Variants in ZNF43 observed in about 807,000 individuals in gnomAD.
ZNF43 encodes the protein zinc finger protein 39-like 1 (KOX 27).
In ZNF43, 44 loss-of-function variants were observed where a neutral mutation model predicts 68.4. That is an observed-to-expected ratio of 0.64 (90% CI 0.51 to 0.83). ZNF43 has a LOEUF of 0.83. ZNF43 is among the 40% of genes least tolerant of loss of function. The pLI, the probability that ZNF43 is intolerant of heterozygous loss-of-function variation, is 0.00. For synonymous variants in ZNF43, 308 were observed against 307.8 expected, an observed-to-expected ratio of 1.00 and a Z score of -0.01; for missense variants, 896 against 933.2, an observed-to-expected ratio of 0.96 and a Z score of 0.52.
chr19:21,843,969 C>G (rs1967722248), intron 1 of ZNF43, among the ~76,000 whole-genome samples: 1 of 152,062 alleles, frequency 6.6e-6, no homozygotes, highest in South Asian at 2.1e-4. Flanking sequence ...TTACTGTTGG[C>G]TGGTTGCGCA....
chr19:21,808,391 T>C lies in ZNF43; in HGVS notation c.1646A>G (p.His549Arg), dbSNP rs751224291. 5 of 1,611,216 alleles carry C rather than the reference T, an allele frequency of 3.1e-6. No individual in the cohort carries two copies. The South Asian group carries it at 5.5e-5, about 18-fold the overall frequency. Residue 549 changes from histidine to arginine, a missense_variant, in exon 4 of 4, where the codon CAT becomes CGT. Coordinates refer to ENST00000354959, the MANE Select transcript of ZNF43 (RefSeq NM_003423.4). ...KCEECGKAFN[H>R]FSILTKHKRI... ...CTTATGTTTGGTAAGGATTGAGAAATGGTTAAAAGCTTTGCCACATTCTTC... is the reference window on the plus strand; with the variant it reads ...CTTATGTTTGGTAAGGATTGAGAAACGGTTAAAAGCTTTGCCACATTCTTC...
At position 21,844,155 on chromosome 19, in the gene ZNF43, G is replaced by A. The variant is rs552405807; in HGVS notation, c.30+7750C>T. Among the ~76,000 whole-genome samples the A allele has an allele frequency of 4.6e-5, 7 of 151,972 alleles. No individual in the cohort carries two copies. The South Asian group carries it at 1.0e-3, about 23-fold the overall frequency. ...CAGACTGGGGCAGGTGGATCATGAGGTCAGTAGTTCAAGACCAGCCTGACC... is the reference window on the plus strand; with the variant it reads ...CAGACTGGGGCAGGTGGATCATGAGATCAGTAGTTCAAGACCAGCCTGACC... On this transcript the variant is annotated intron_variant, in intron 1 of 3. Transcript: ENST00000357491.
chr19:21,846,143 G>A (rs1967937065), intron 1 of ZNF43, among the ~76,000 whole-genome samples: 1 of 152,172 alleles, frequency 6.6e-6, no homozygotes, highest in Non-Finnish European at 1.5e-5. Flanking sequence ...CAGAGCTCAG[G>A]AAGAAGACAA....
At chr19:21,851,559 A>G (rs1968365689) in intron 1 of ZNF43, among the ~76,000 whole-genome samples, 1 of 151,172 alleles carries the variant, frequency 6.6e-6, no homozygotes, top group Non-Finnish European at 1.5e-5. Flanking sequence ...AAAAAAAAAA[A>G]AAAATTAACA....
chr19:21,838,741 T>C (rs533690924), upstream of ZNF43: 4 of 152,254 alleles, frequency 2.6e-5, no homozygotes, highest in East Asian at 7.7e-4. Context: ...TACTCTAGAC[T>C]TTTTTCATAA....
upstream of ZNF43, chr19:21,836,213 T>G (rs548749922): frequency 1.2e-3 from 1,802 of 1,483,194 alleles, 3 homozygotes; most frequent in Non-Finnish European, 1.6e-3. Flanking sequence ...GAAGCCGCCC[T>G]GTCCTCTCCT....
In ZNF43 at chr19:21,821,859, T is replaced by C. The variant is rs185615299; in HGVS notation, c.4-2638A>G. 9.9e-4 allele frequency among the ~76,000 whole-genome samples: 151 copies of C among 152,286 alleles called. 1 individual carries two copies. The highest frequency in any genetic ancestry group is 3.4e-3 in the Middle Eastern group (1 of 294). ...TACAGGTTTACAAGTACTAAACACATGGCATTCCAGGAAGCAGAGTGGACA... is the reference window on the plus strand; with the variant it reads ...TACAGGTTTACAAGTACTAAACACACGGCATTCCAGGAAGCAGAGTGGACA... On this transcript the variant is annotated intron_variant, in intron 1 of 3. Transcript: ENST00000354959.
Position 21,809,688 on chromosome 19 carries a change from C to A in ZNF43, c.349G>T (p.Asp117Tyr), listed in dbSNP as rs1198859143. ...TTACACTCATCCACACTTTTATGGT[C>A]TTTTTTTAAATGTACATTTTTATGT... The part of the protein sequence containing the change: ...CEHKNVHLKK[D>Y]HKSVDECKVH... The change falls in exon 4 of 4, where the codon GAC (aspartate) becomes TAC (tyrosine). Residue 117 changes from aspartate to tyrosine, a missense_variant. By Grantham distance (160) the Asp-to-Tyr change is radical. Transcript: ENST00000354959. 2 of 1,610,874 alleles carry A rather than the reference C, an allele frequency of 1.2e-6. No homozygotes were observed. The highest frequency in any genetic ancestry group is 1.7e-6 in the Non-Finnish European group (2 of 1,178,446).
chr19:21,847,857 A>T (rs546630596), intron 1 of ZNF43, among the ~76,000 whole-genome samples: 1 of 152,240 alleles, frequency 6.6e-6, no homozygotes, highest in South Asian at 2.1e-4. Context: ...TTTTTGAGAC[A>T]GAGTCTCGCT....
Position 21,851,539 on chromosome 19 carries a change from C to CAA in ZNF43, c.30+364_30+365dup, listed in dbSNP as rs759516277. On this transcript the variant is annotated intron_variant, in intron 1 of 3. Coordinates refer to the ZNF43 transcript ENST00000357491. Reference sequence around the variant, plus strand: ...TGGGCGACATAGCAAGATTCCCTCTCAAAAAAAAAAAAAAAAAAAAAAAAT... The same window carrying CAA: ...TGGGCGACATAGCAAGATTCCCTCTCAAAAAAAAAAAAAAAAAAAAAAAAAAT... 8.0e-3 allele frequency among the ~76,000 whole-genome samples: 512 copies of CAA among 64,366 alleles called. 5 individuals carry two copies. Among genetic ancestry groups the CAA allele is most frequent in the South Asian group, 0.025 (44 of 1,746 alleles). 42.2% of individuals were successfully genotyped at this position (64,366 alleles called of 152,430 possible). A position where few individuals can be genotyped will look rare whatever the true frequency, so the allele number is the denominator to read the frequency against.
chr19:21,817,990 T>C lies in ZNF43; in HGVS notation c.131-4A>G. On this transcript the variant is annotated splice_region_variant and splice_polypyrimidine_tract_variant and intron_variant, in intron 2 of 3. Coordinates refer to ENST00000354959, the MANE Select transcript of ZNF43 (RefSeq NM_003423.4). ...TCTGGCTTAGAGACAGCAATACCTG[T>C]TTCAATAAAAAATAAATTACGTGAA... 2.5e-6 allele frequency: 4 copies of C among 1,610,214 alleles called. No homozygotes were observed. The highest frequency in any genetic ancestry group is 3.4e-6 in the Non-Finnish European group (4 of 1,177,714).
intron 1 of ZNF43, among the ~76,000 whole-genome samples, chr19:21,843,774 C>T (rs1287690993): frequency 1.9e-4 from 29 of 152,014 alleles, no homozygotes; most frequent in Admixed American, 1.9e-3. Context: ...AAGAGCGAAA[C>T]TCGGTCTTAA....
intron 1 of ZNF43, chr19:21,827,096 ATT>A (rs1445943416): frequency 6.6e-6 from 1 of 152,130 alleles, no homozygotes; most frequent in African/African-American, 2.4e-5. Flanking sequence ...CCTTAAACAA[ATT>A]TCTCTCTAAA....
intron 1 of ZNF43, among the ~76,000 whole-genome samples, chr19:21,846,470 A>G (rs778856887): frequency 4.3e-4 from 65 of 152,358 alleles, no homozygotes; most frequent in Non-Finnish European, 7.5e-4. Flanking sequence ...CAAAGCCCAG[A>G]TAAAAGAGGA....
rs967654523 is a variant in ZNF43 at position 21,808,309 on chromosome 19, G to A, written c.1728C>T (p.Thr576=). ...YKCEECGKAF[T]QSSNLTTHKK... ...TATGTGTAGTAAGGTTTGAGGATTG[G>A]GTAAAAGCTTTGCCACATTCTTCAC... Residue 576 remains threonine (T), a synonymous_variant, in exon 4 of 4, where the codon ACC becomes ACT. Transcript: ENST00000354959. The A allele has an allele frequency of 6.2e-7, 1 of 1,609,806 alleles. No homozygotes were observed. The highest frequency in any genetic ancestry group is 1.4e-5 in the African/African-American group (1 of 73,636).
At chr19:21,810,859 C>T (rs914902369) in intron 3 of ZNF43, among the ~76,000 whole-genome samples, 3 of 152,116 alleles carry the variant, frequency 2.0e-5, no homozygotes, top group Non-Finnish European at 2.9e-5. Flanking sequence ...CTAAGGTTGA[C>T]TTGAGCCCAG....
upstream of ZNF43, among the ~76,000 whole-genome samples, chr19:21,839,291 GC>G (rs1390449071): frequency 1.6e-5 from 2 of 123,416 alleles, no homozygotes; most frequent in Non-Finnish European, 3.1e-5. Context: ...GTTGGACCCA[GC>G]CATATATATC....
At chr19:21,813,204 T>C (rs1049913075) in intron 3 of ZNF43, among the ~76,000 whole-genome samples, 6 of 151,492 alleles carry the variant, frequency 4.0e-5, no homozygotes, top group African/African-American at 9.7e-5. Context: ...GAGCACGCCA[T>C]TGGACTCCAG....
At chr19:21,833,267 T>TTTTA (rs1310035008) in intron 1 of ZNF43, among the ~76,000 whole-genome samples, 1 of 152,038 alleles carries the variant, frequency 6.6e-6, no homozygotes, top group African/African-American at 2.4e-5. Flanking sequence ...TTTTATTTTA[T>TTTTA]TTTATTTATT....
Sources: allele counts gnomAD v4.1 joint callset (sites outside exome capture counted in the v4.1 genomes callset), GRCh38; gene constraint gnomAD v4.1.1; transcripts MANE v1.5; gene names NCBI Gene and HGNC (gene_info 2026-07-23, HGNC 2026-07-21).